The following HMCN1 variants were observed in gnomAD, a reference collection of about 807,000 sequenced individuals.
The protein encoded by HMCN1 is hemicentin-1.
In HMCN1, 321 loss-of-function variants were observed where a neutral mutation model predicts 625.9. The observed-to-expected ratio is 0.51, with a 90% CI of 0.47 to 0.56. HMCN1 has a LOEUF of 0.56. Among genes scored for constraint, HMCN1 ranks in the 20% least tolerant of loss-of-function variants. The pLI is 0.00. For synonymous variants in HMCN1, 2,425 were observed against 2,417.6 expected, an observed-to-expected ratio of 1.00 and a Z score of -0.09; for missense variants, 6,588 against 6,887.3, an observed-to-expected ratio of 0.96 and a Z score of 1.54.
intron 70 of HMCN1, among the ~76,000 whole-genome samples, chr1:186,107,169 T>C (rs1233284190): frequency 6.6e-6 from 1 of 152,124 alleles, no homozygotes; most frequent in Admixed American, 6.6e-5. Flanking sequence ...CACTGCAAGC[T>C]CCGCCTCCTG....
chr1:186,073,206 A>C (rs1238685028), intron 52 of HMCN1, among the ~76,000 whole-genome samples: 1 of 152,198 alleles, frequency 6.6e-6, no homozygotes, highest in East Asian at 1.9e-4. Context: ...AAGGTACTTC[A>C]AAATGAACAC....
At chr1:185,988,307 G>A (rs1652147289) in intron 20 of HMCN1, among the ~76,000 whole-genome samples, 1 of 152,260 alleles carries the variant, frequency 6.6e-6, no homozygotes, top group East Asian at 1.9e-4. Context: ...TCCTGAGGAA[G>A]TCCTTTCACC....
chr1:186,076,507 C>T lies in HMCN1; in HGVS notation c.8370C>T (p.Ile2790=). 1.2e-6 allele frequency: 2 copies of T among 1,613,772 alleles called. No individual in the cohort carries two copies. Among genetic ancestry groups the T allele is most frequent in the South Asian group, 1.1e-5 (1 of 91,084 alleles). The change falls in exon 54 of 107, where the codon ATC becomes ATT. Residue 2790 remains isoleucine (I), a synonymous_variant. Coordinates refer to ENST00000271588, the MANE Select transcript of HMCN1 (RefSeq NM_031935.3). ...TGRNGEAKDV[I]INNPISLYCE... is the part of the protein sequence containing the mutation. ...GGAATGGTGAAGCCAAAGATGTGATCATCAACAATCCCATTTCTCTTTACT... is the reference window on the plus strand; with the variant it reads ...GGAATGGTGAAGCCAAAGATGTGATTATCAACAATCCCATTTCTCTTTACT...
chr1:186,095,104 C>T (rs1660058183), intron 67 of HMCN1, 139 bp from the exon 68 acceptor site: 1 of 795,310 alleles, frequency 1.3e-6, no homozygotes, highest in South Asian at 1.6e-5. Context: ...TTGTAAAGTC[C>T]TTAGTTATTA....
intron 41 of HMCN1, 99 bp downstream of exon 41, chr1:186,045,962 T>G: frequency 1.2e-6 from 1 of 851,380 alleles, no homozygotes; most frequent in Non-Finnish European, 1.9e-6. Context: ...AGTGTTGGAC[T>G]AATTTTCTCT....
intron 93 of HMCN1, among the ~76,000 whole-genome samples, chr1:186,147,788 TAA>T (rs149483402): frequency 0.061 from 9,266 of 152,254 alleles, 684 homozygotes; most frequent in African/African-American, 0.18. Context: ...ACTTTATTGC[TAA>T]AAAATGCTAA....
At chr1:185,784,363 A>G (rs933783068) in intron 1 of HMCN1, among the ~76,000 whole-genome samples, 1 of 151,984 alleles carries the variant, frequency 6.6e-6, no homozygotes, top group African/African-American at 2.4e-5. Context: ...ACTGTCCTGT[A>G]CCCACTGTCC....
intron 4 of HMCN1, among the ~76,000 whole-genome samples, chr1:185,885,021 AATTAC>A (rs1159230988): frequency 2.6e-5 from 4 of 151,954 alleles, no homozygotes; most frequent in Non-Finnish European, 2.9e-5. Context: ...TAAAAAGAAA[AATTAC>A]ATTAATATAT....
At chr1:185,984,959 C>T (rs1651911096) in intron 19 of HMCN1, among the ~76,000 whole-genome samples, 2 of 151,918 alleles carry the variant, frequency 1.3e-5, no homozygotes, top group Non-Finnish European at 2.9e-5. Flanking sequence ...CAAAAAAAAC[C>T]ATTGCATTAA....
At chr1:185,965,119 C>G (rs1304971849) in intron 13 of HMCN1, among the ~76,000 whole-genome samples, 8 of 151,968 alleles carry the variant, frequency 5.3e-5, no homozygotes, top group Admixed American at 5.3e-4. Context: ...TAAAATATCT[C>G]GTTAAGAGAA....
chr1:186,035,630 AT>A (rs1450969963), intron 36 of HMCN1, among the ~76,000 whole-genome samples: 3 of 151,778 alleles, frequency 2.0e-5, no homozygotes, highest in Admixed American at 1.3e-4. Flanking sequence ...ATTTCACTTT[AT>A]TTTTCTAAAC....
chr1:186,168,847 G>A (rs1208840378), intron 100 of HMCN1, among the ~76,000 whole-genome samples: 3 of 152,042 alleles, frequency 2.0e-5, no homozygotes, highest in Non-Finnish European at 4.4e-5. Flanking sequence ...ACGTGCCACG[G>A]TGGTTTGCTG....
At position 186,094,275 on chromosome 1, in the gene HMCN1, G is replaced by T; in HGVS notation, c.10197-1G>T. 1 of 1,611,046 alleles carries T rather than the reference G, an allele frequency of 6.2e-7. No individual in the cohort carries two copies. ...GAAATGTGGATCAAATTGTTTCTCA[G>T]GATTGTGAGAGCTCAGGTGTCTGAT... On this transcript the variant is annotated splice_acceptor_variant, in intron 66 of 106. Coordinates refer to ENST00000271588, the MANE Select transcript of HMCN1 (RefSeq NM_031935.3). LOFTEE classifies it high-confidence loss of function.
intron 11 of HMCN1, among the ~76,000 whole-genome samples, chr1:185,949,153 G>C (rs1219445130): frequency 2.0e-4 from 30 of 151,852 alleles, no homozygotes; most frequent in African/African-American, 7.3e-4. Flanking sequence ...GTTAAGAGTG[G>C]CAGTTTGGGG....
chr1:186,091,314 A>T (rs962002829), intron 64 of HMCN1, among the ~76,000 whole-genome samples: 1 of 152,048 alleles, frequency 6.6e-6, no homozygotes, highest in African/African-American at 2.4e-5. Context: ...ATTCATCAAT[A>T]ATTCTAGATA....
At chr1:185,815,903 A>C (rs1267561647) in intron 1 of HMCN1, among the ~76,000 whole-genome samples, 2 of 150,090 alleles carry the variant, frequency 1.3e-5, no homozygotes, top group South Asian at 2.1e-4. Flanking sequence ...TCCATACTTG[A>C]TAATGCTGTT....
At position 186,128,452 on chromosome 1, in the gene HMCN1, A is replaced by G. The variant is rs1030079341; in HGVS notation, c.12904+161A>G. 5.7e-4 allele frequency among the ~76,000 whole-genome samples: 87 copies of G among 151,904 alleles called. 1 individual carries two copies. The highest frequency in any genetic ancestry group is 2.0e-3 in the African/African-American group (84 of 41,348). On this transcript the variant is annotated intron_variant, in intron 83 of 106. Coordinates refer to ENST00000271588, the MANE Select transcript of HMCN1 (RefSeq NM_031935.3). ...GCTTGGATTTTACCCTCTACCCAAT[A>G]TATATGTTTTGTTCCTTCTTTTGGA...
chr1:186,111,385 C>A (rs998941675), intron 71 of HMCN1, among the ~76,000 whole-genome samples: 3 of 151,928 alleles, frequency 2.0e-5, no homozygotes, highest in Admixed American at 6.6e-5. Context: ...TGTGGTGGTT[C>A]GTGCTGTAAT....
chr1:185,826,807 G>A (rs113549997), intron 1 of HMCN1, among the ~76,000 whole-genome samples: 2,692 of 152,168 alleles, frequency 0.018, 47 homozygotes, highest in Non-Finnish European at 0.026. Context: ...CCTTAGCCTG[G>A]AATATGTCTC....
Sources: allele counts gnomAD v4.1 joint callset (sites outside exome capture counted in the v4.1 genomes callset), GRCh38; gene constraint gnomAD v4.1.1; transcripts MANE v1.5; gene names NCBI Gene and HGNC (gene_info 2026-07-23, HGNC 2026-07-21).